Variants in MECOM observed in about 807,000 individuals in gnomAD.
The protein encoded by MECOM is histone-lysine N-methyltransferase MECOM.
A neutral mutation model predicts 116.3 loss-of-function variants in MECOM; 13 were observed. The ratio of observed to expected loss-of-function variants is 0.11; its 90% CI spans 0.07 to 0.18. The LOEUF is 0.18. MECOM is among the 10% of genes least tolerant of loss of function. The pLI, the probability that MECOM is intolerant of heterozygous loss-of-function variation, is 1.00. For missense variants in MECOM, 1,299 were observed against 1,509.0 expected (o/e 0.86, Z 2.31); for synonymous variants, 528 against 535.2 (o/e 0.99, Z 0.19).
Position 169,663,412 on chromosome 3 carries a change from C to T in MECOM, c.-40G>A. 6.3e-7 allele frequency: 1 copy of T among 1,588,958 alleles called. No individual in the cohort carries two copies. Among genetic ancestry groups the T allele is most frequent in the Non-Finnish European group, 8.6e-7 (1 of 1,168,210 alleles). On this transcript the variant is annotated 5_prime_UTR_variant, in exon 1 of 17. Transcript: ENST00000651503. The stretch of plus-strand genomic sequence containing the variant: ...TGCAGCCGCTGGTGTGTGGTTGGGG[C>T]TTTTTTTTCTTGGATCCTTTCCTTC...
intron 3 of MECOM, among the ~76,000 whole-genome samples, chr3:169,138,588 A>G (rs1272429546): frequency 6.6e-6 from 1 of 152,162 alleles, no homozygotes; most frequent in Non-Finnish European, 1.5e-5. Flanking sequence ...TAACTTTGGT[A>G]TAAAAGTGGA....
chr3:169,485,960 T>A lies in MECOM; in HGVS notation c.38-104436A>T, dbSNP rs1331375414. ...ATATATGTATGTATATATGTACATA[T>A]ATACTATATATACATATATATATAG... On this transcript the variant is annotated intron_variant, in intron 1 of 16. Coordinates refer to ENST00000651503, the MANE Select transcript of MECOM (RefSeq NM_004991.4). Among the ~76,000 whole-genome samples, 12 of 82,314 alleles carry A rather than the reference T, an allele frequency of 1.5e-4. 1 individual carries two copies. The highest frequency in any genetic ancestry group is 1.3e-3 in the Admixed American group (10 of 7,996). 54.0% of individuals were successfully genotyped at this position (82,314 alleles called of 152,430 possible). A position where few individuals can be genotyped will look rare whatever the true frequency, so the allele number is the denominator to read the frequency against.
chr3:169,191,620 AAAG>A lies in MECOM; in HGVS notation c.376-47791_376-47789del, dbSNP rs1364946044. On this transcript the variant is annotated intron_variant, in intron 2 of 16. Coordinates refer to ENST00000651503, the MANE Select transcript of MECOM (RefSeq NM_004991.4). ...GAAAGAACGAAGGAAGGAGGGAAGG[AAAG>A]AAGGAGGAAATGAAGGAGAGAAAGA... is the stretch of plus-strand genomic sequence containing the variant. Among the ~76,000 whole-genome samples the A allele has an allele frequency of 4.0e-5, 6 of 151,366 alleles. No individual in the cohort carries two copies. The East Asian group carries it at 1.2e-3, about 29-fold the overall frequency.
chr3:169,132,117 C>T (rs983747319), intron 3 of MECOM, among the ~76,000 whole-genome samples: 2 of 152,228 alleles, frequency 1.3e-5, no homozygotes, highest in Non-Finnish European at 2.9e-5. Context: ...CAGGGTCCTG[C>T]CCTCAGGCCC....
chr3:169,298,373 A>G (rs1716041118), intron 2 of MECOM, among the ~76,000 whole-genome samples: 1 of 152,000 alleles, frequency 6.6e-6, no homozygotes, highest in Admixed American at 6.6e-5. Flanking sequence ...TGAGATATGT[A>G]TATTAAATGT....
intron 1 of MECOM, among the ~76,000 whole-genome samples, chr3:169,536,508 C>G (rs781164618): frequency 8.0e-5 from 12 of 150,754 alleles, no homozygotes; most frequent in Non-Finnish European, 1.5e-4. Flanking sequence ...TAATCTGGAA[C>G]AAAGCTACTA....
At chr3:169,164,177 C>A (rs1306494271) in intron 2 of MECOM, among the ~76,000 whole-genome samples, 1 of 151,962 alleles carries the variant, frequency 6.6e-6, no homozygotes, top group East Asian at 1.9e-4. Context: ...TGGGAGGGAC[C>A]CAGTGGGAGA....
chr3:169,553,139 T>G lies in MECOM; in HGVS notation c.37+110197A>C, dbSNP rs532244191. 6.6e-5 allele frequency among the ~76,000 whole-genome samples: 10 copies of G among 152,212 alleles called. No homozygotes were observed. The South Asian group carries it at 2.1e-3, about 32-fold the overall frequency. On this transcript the variant is annotated intron_variant, in intron 1 of 16. Coordinates refer to ENST00000651503, the MANE Select transcript of MECOM (RefSeq NM_004991.4). ...TCAAGAAATCATTCCTTACATGATT[T>G]TTTTCCTGAAATGCAATTTCATGAT...
At chr3:169,545,334 A>G (rs894004755) in intron 1 of MECOM, among the ~76,000 whole-genome samples, 3 of 152,194 alleles carry the variant, frequency 2.0e-5, no homozygotes, top group African/African-American at 7.2e-5. Context: ...AACCTAACAG[A>G]AACTGTAGTA....
intron 1 of MECOM, among the ~76,000 whole-genome samples, chr3:169,617,119 T>C (rs1029435058): frequency 9.9e-5 from 15 of 152,198 alleles, no homozygotes; most frequent in Non-Finnish European, 1.9e-4. Flanking sequence ...TTTTAAGATA[T>C]GGGAGTGGCT....
At chr3:169,414,214 C>T (rs1287713567) in intron 1 of MECOM, among the ~76,000 whole-genome samples, 2 of 152,230 alleles carry the variant, frequency 1.3e-5, no homozygotes, top group Admixed American at 6.5e-5. Context: ...CTTTGCTGTT[C>T]TGCAGCCTCC....
At chr3:169,366,865 T>C (rs1729248867) in intron 2 of MECOM, among the ~76,000 whole-genome samples, 1 of 152,012 alleles carries the variant, frequency 6.6e-6, no homozygotes, top group South Asian at 2.1e-4. Context: ...CTCCCATGGG[T>C]CTGTGACATG....
intron 2 of MECOM, among the ~76,000 whole-genome samples, chr3:169,157,755 T>A (rs904759566): frequency 6.6e-6 from 1 of 152,224 alleles, no homozygotes; most frequent in Admixed American, 6.5e-5. Flanking sequence ...TTCTATGTAG[T>A]TCTTGGCTGG....
chr3:169,617,222 C>T lies in MECOM; in HGVS notation c.37+46114G>A, dbSNP rs1229044426. Among the ~76,000 whole-genome samples the T allele has an allele frequency of 2.0e-5, 3 of 152,130 alleles. 1 individual carries two copies. The South Asian group carries it at 6.2e-4, about 32-fold the overall frequency. Reference sequence around the variant, plus strand: ...TAAAAGACCCCTAACAGAGGTAGGACCATAGGTAATTATTATTTTTTATGT... The same window carrying T: ...TAAAAGACCCCTAACAGAGGTAGGATCATAGGTAATTATTATTTTTTATGT... On this transcript the variant is annotated intron_variant, in intron 1 of 16. Transcript: ENST00000651503.
At chr3:169,341,870 TA>T (rs1257016521) in intron 2 of MECOM, among the ~76,000 whole-genome samples, 1 of 152,174 alleles carries the variant, frequency 6.6e-6, no homozygotes, top group African/African-American at 2.4e-5. Context: ...ACTTAAAGGA[TA>T]AATGCTTCAG....
Position 169,374,449 on chromosome 3 carries a change from T to C in MECOM, c.375+6738A>G, listed in dbSNP as rs114252679. 2.2e-3 allele frequency among the ~76,000 whole-genome samples: 337 copies of C among 152,094 alleles called. 3 individuals are homozygous for C. Among genetic ancestry groups the C allele is most frequent in the African/African-American group, 7.8e-3 (323 of 41,550 alleles). On this transcript the variant is annotated intron_variant, in intron 2 of 16. Transcript: ENST00000651503. ...TAGTGCCACAGGGATTAAAAAAATA[T>C]ATGGAACACAATCAAAACATTGCAC...
intron 2 of MECOM, among the ~76,000 whole-genome samples, chr3:169,249,101 C>G (rs939580987): frequency 1.3e-5 from 2 of 152,122 alleles, no homozygotes; most frequent in Non-Finnish European, 2.9e-5. Context: ...CCCACAAAAC[C>G]GATTTCTTAG....
At chr3:169,437,386 A>G (rs1189467023) in intron 1 of MECOM, among the ~76,000 whole-genome samples, 1 of 152,226 alleles carries the variant, frequency 6.6e-6, no homozygotes, top group Non-Finnish European at 1.5e-5. Flanking sequence ...TGTTAAACGT[A>G]TAGGAGACAT....
chr3:169,297,272 C>G (rs1290722644), intron 2 of MECOM, among the ~76,000 whole-genome samples: 3 of 152,204 alleles, frequency 2.0e-5, no homozygotes, highest in Non-Finnish European at 4.4e-5. Flanking sequence ...CTACATCATA[C>G]TTGCTGCCTT....
Sources: allele counts gnomAD v4.1 joint callset (sites outside exome capture counted in the v4.1 genomes callset), GRCh38; gene constraint gnomAD v4.1.1; transcripts MANE v1.5; gene names NCBI Gene and HGNC (gene_info 2026-07-23, HGNC 2026-07-21).